CFAP70: variants seen among roughly 807,000 people sequenced by gnomAD.
CFAP70 encodes the protein cilia and flagella associated protein 70.
A neutral mutation model predicts 137.6 loss-of-function variants in CFAP70; 81 were observed. That is an observed-to-expected ratio of 0.59 (90% confidence interval 0.49 to 0.71). CFAP70 has a LOEUF of 0.71. Ranked by LOEUF, CFAP70 falls within the 30% of genes least tolerant of loss-of-function variation. The pLI is 0.00. For synonymous variants in CFAP70, 382 were observed against 423.6 expected, an observed-to-expected ratio of 0.90 and a Z score of 1.20; for missense variants, 976 against 1,226.7, an observed-to-expected ratio of 0.80 and a Z score of 3.05.
At chr10:73,359,306 C>T (rs2054907874), upstream of CFAP70, among the ~76,000 whole-genome samples, 1 of 152,028 alleles carries the variant, frequency 6.6e-6, no homozygotes, top group Non-Finnish European at 1.5e-5. Context: ...CCCAAGTGCC[C>T]GTCGAAGGAA....
chr10:73,353,795 C>T lies in CFAP70; in HGVS notation c.64-53G>A, dbSNP rs567797445. 111 of 1,563,920 alleles carry T rather than the reference C, an allele frequency of 7.1e-5. No homozygotes were observed. The African/African-American group carries it at 1.4e-3, about 19-fold the overall frequency. On this transcript the variant is annotated intron_variant, in intron 2 of 26. Transcript: ENST00000310715. The stretch of plus-strand genomic sequence containing the variant: ...ATTATATTCAAATAGAGAATTTTCC[C>T]ACACATCTGGTAACCCATTTTGATT...
At position 73,275,514 on chromosome 10, in the gene CFAP70, G is replaced by A. The variant is rs2046652467; in HGVS notation, c.2605C>T (p.His869Tyr). The change falls in exon 22 of 27, where the codon CAC becomes TAC. Residue 869 changes from histidine (H) to tyrosine (Y), a missense_variant. By Grantham distance (83) the His-to-Tyr change is moderately conservative. Transcript: ENST00000310715. This position sits in a 1 kb window ranked among gnomAD's most constrained non-coding sequence, Gnocchi z 4.0. Reference sequence around the variant, plus strand: ...TTGGCAAAGTTCTTCTTAAGAATGTGTGTTTGGGCCAGCACCAAGTAATAT... The same window carrying A: ...TTGGCAAAGTTCTTCTTAAGAATGTATGTTTGGGCCAGCACCAAGTAATAT... 6.2e-7 allele frequency: 1 copy of A among 1,612,102 alleles called. No individual in the cohort carries two copies. The highest frequency in any genetic ancestry group is 2.2e-5 in the East Asian group (1 of 44,648).
chr10:73,326,756 C>T (rs1372247934), intron 8 of CFAP70, among the ~76,000 whole-genome samples: 2 of 151,966 alleles, frequency 1.3e-5, no homozygotes, highest in African/African-American at 2.4e-5. Flanking sequence ...ATAAATTCCT[C>T]GACACATACA....
At chr10:73,299,134 C>G in intron 13 of CFAP70, 33 bp from the exon 15 acceptor site, 1 of 1,521,826 alleles carries the variant, frequency 6.6e-7, no homozygotes, top group Non-Finnish European at 9.0e-7. Flanking sequence ...GTAGACGCCT[C>G]AGAGAGGTCA....
At chr10:73,299,831 G>T (rs753735902) in intron 12 of CFAP70, among the ~76,000 whole-genome samples, 166 bp from the exon 14 acceptor site, 6 of 152,150 alleles carry the variant, frequency 3.9e-5, no homozygotes, top group Non-Finnish European at 7.3e-5. Context: ...AACCCTAGAT[G>T]TGAACCACAG....
At chr10:73,361,155 C>G (rs2054988624), upstream of CFAP70, among the ~76,000 whole-genome samples, 1 of 152,018 alleles carries the variant, frequency 6.6e-6, no homozygotes, top group African/African-American at 2.4e-5. Flanking sequence ...CCCATCACCA[C>G]GCCCGGCTAA....
chr10:73,359,224 A>C (rs1355273418), upstream of CFAP70, among the ~76,000 whole-genome samples: 2 of 152,222 alleles, frequency 1.3e-5, no homozygotes, highest in African/African-American at 4.8e-5. Flanking sequence ...TGTTAATACA[A>C]ATTTTTAATA....
intron 8 of CFAP70, among the ~76,000 whole-genome samples, chr10:73,327,691 A>G (rs1251193028): frequency 6.6e-6 from 1 of 152,126 alleles, no homozygotes; most frequent in Admixed American, 6.5e-5. Flanking sequence ...TTATACACCA[A>G]TAACAGACAA....
At chr10:73,326,762 A>G (rs2132256316) in intron 8 of CFAP70, among the ~76,000 whole-genome samples, 1 of 152,294 alleles carries the variant, frequency 6.6e-6, no homozygotes, top group African/African-American at 2.4e-5. Context: ...TCCTCGACAC[A>G]TACACCCTCC....
chr10:73,353,394 C>G (rs189105976), intron 3 of CFAP70, among the ~76,000 whole-genome samples, 162 bp downstream of exon 3: 398 of 152,320 alleles, frequency 2.6e-3, no homozygotes, highest in African/African-American at 8.5e-3. Flanking sequence ...AAGATTTTCA[C>G]GTTTCAGTTC....
At chr10:73,355,159 G>A (rs1484607591) in intron 1 of CFAP70, among the ~76,000 whole-genome samples, 3 of 152,128 alleles carry the variant, frequency 2.0e-5, no homozygotes, top group East Asian at 1.9e-4. Flanking sequence ...GTACCAGCCC[G>A]TGGCCTGTCA....
intron 25 of CFAP70, among the ~76,000 whole-genome samples, chr10:73,263,631 T>C (rs1234773806): frequency 6.6e-6 from 1 of 152,230 alleles, no homozygotes; most frequent in African/African-American, 2.4e-5. Flanking sequence ...CAGTGCACCA[T>C]ATCAGGAAGC....
intron 12 of CFAP70, 54 bp downstream of exon 13, chr10:73,310,104 C>T: frequency 1.7e-6 from 2 of 1,185,000 alleles, no homozygotes; most frequent in Admixed American, 4.1e-5. Flanking sequence ...ATCTGACTTC[C>T]TCTTATTTAT....
At chr10:73,316,645 C>A (rs1192069792) in intron 9 of CFAP70, among the ~76,000 whole-genome samples, 6 of 151,482 alleles carry the variant, frequency 4.0e-5, no homozygotes, top group Admixed American at 4.0e-4. Context: ...TAACTAATAA[C>A]AATCTATTTC....
intron 19 of CFAP70, among the ~76,000 whole-genome samples, chr10:73,281,159 G>C (rs1178183503): frequency 1.3e-5 from 2 of 151,952 alleles, no homozygotes; most frequent in African/African-American, 4.8e-5. Flanking sequence ...TCTTTGACCT[G>C]TGGGTTGATT....
Position 73,297,191 on chromosome 10 carries a change from C to T in CFAP70, c.1513-18G>A, listed in dbSNP as rs1276051875. ...ACAGCATGCTGCAAGACACACAGAT[C>T]ACCCATCTGATAATACAGTCCAGCA... On this transcript the variant is annotated intron_variant, in intron 14 of 26. Transcript: ENST00000310715. 8.7e-6 allele frequency: 14 copies of T among 1,607,472 alleles called. No homozygotes were observed. The African/African-American group carries it at 1.7e-4, about 20-fold the overall frequency.
At chr10:73,314,701 G>T (rs2050193322) in intron 9 of CFAP70, among the ~76,000 whole-genome samples, 1 of 152,026 alleles carries the variant, frequency 6.6e-6, no homozygotes, top group African/African-American at 2.4e-5. Context: ...TCTACCTTCT[G>T]GGCTCAAGCC....
chr10:73,312,366 T>TAA, intron 10 of CFAP70, 107 bp downstream of exon 11: 1 of 833,268 alleles, frequency 1.2e-6, no homozygotes, highest in South Asian at 2.0e-5. Flanking sequence ...AAAGTAAAAT[T>TAA]AAAAAAAAAT....
Position 73,331,203 on chromosome 10 carries a change from TG to T in CFAP70, c.750del (p.Ala254LeufsTer31). On this transcript the variant is annotated frameshift_variant, in exon 8 of 27. Coordinates refer to ENST00000310715, the Ensembl canonical transcript of CFAP70. LOFTEE classifies it high-confidence loss of function. Reference sequence around the variant, plus strand: ...TTTTCAGTTTTGCCAGCTTTCCCTTTGGGTATAGTGACCAGAGGAACTCTTG... The same window carrying T: ...TTTTCAGTTTTGCCAGCTTTCCCTTTGGTATAGTGACCAGAGGAACTCTTG... The T allele has an allele frequency of 6.2e-7, 1 of 1,612,816 alleles. No individual in the cohort carries two copies. Among genetic ancestry groups the T allele is most frequent in the Non-Finnish European group, 8.5e-7 (1 of 1,179,174 alleles).
Sources: gnomAD v4.1 joint callset for allele counts (sites outside exome capture counted in the v4.1 genomes callset) on GRCh38, gnomAD v4.1.1 for gene constraint, Gnocchi (gnomAD v3.1) non-coding constraint, MANE v1.5 for transcripts, NCBI Gene and HGNC (gene_info 2026-07-23, HGNC 2026-07-21) for gene names.